PDE1C: variants seen among roughly 807,000 people sequenced by gnomAD.
The protein encoded by PDE1C is dual specificity calcium/calmodulin-dependent 3',5'-cyclic nucleotide phosphodiesterase 1C.
A neutral mutation model predicts 93.1 loss-of-function variants in PDE1C; 62 were observed. That is an observed-to-expected ratio of 0.67 (90% CI 0.54 to 0.82). PDE1C has a LOEUF of 0.82. Among genes scored for constraint, PDE1C ranks in the 40% least tolerant of loss-of-function variants. The probability of loss-of-function intolerance (pLI) is 0.00; values close to 1 mark genes in which losing one functional copy is unlikely to be tolerated. For missense variants in PDE1C, 742 were observed against 884.6 expected (o/e 0.84, Z 2.04); for synonymous variants, 325 against 310.1 (o/e 1.05, Z -0.50).
chr7:31,635,925 G>A, the PDE1C span, among the ~76,000 whole-genome samples: 1 of 152,000 alleles, frequency 6.6e-6, no homozygotes, highest in Non-Finnish European at 1.5e-5. Flanking sequence ...ACATACCCTG[G>A]AACTTAAAAT....
chr7:31,685,428 T>C, the PDE1C span, among the ~76,000 whole-genome samples: 1 of 152,304 alleles, frequency 6.6e-6, no homozygotes, highest in South Asian at 2.1e-4. Flanking sequence ...GTATAGGAGA[T>C]CTCCCTGTAT....
At chr7:32,269,099 G>A (rs1463086180) in intron 1 of PDE1C, among the ~76,000 whole-genome samples, 4 of 152,188 alleles carry the variant, frequency 2.6e-5, no homozygotes, top group Non-Finnish European at 4.4e-5. Flanking sequence ...TCTTAAAGAT[G>A]CCCACTAAAT....
intron 2 of PDE1C, among the ~76,000 whole-genome samples, chr7:32,048,710 T>A (rs183528483): frequency 6.6e-6 from 1 of 152,278 alleles, no homozygotes; most frequent in East Asian, 1.9e-4. Flanking sequence ...AAAGTTATTT[T>A]AAGCCACTAA....
In PDE1C at chr7:32,051,600, C is replaced by T. The variant is rs1053261716; in HGVS notation, c.102-20G>A. On this transcript the variant is annotated intron_variant, in intron 1 of 17. Coordinates refer to ENST00000396191, the MANE Select transcript of PDE1C (RefSeq NM_001191057.4). ...TTCCTCCTGTAAGAAAAGGCATAAA[C>T]ATATATCAGAAAAGGGTTGTGGCAG... The T allele has an allele frequency of 3.1e-5, 50 of 1,611,818 alleles. No homozygotes were observed. Among genetic ancestry groups the T allele is most frequent in the Non-Finnish European group, 4.2e-5 (49 of 1,178,224 alleles).
the PDE1C span, among the ~76,000 whole-genome samples, chr7:31,663,324 C>T: frequency 6.6e-6 from 1 of 152,168 alleles, no homozygotes; most frequent in South Asian, 2.1e-4. Context: ...CTGCTCTTGC[C>T]ACCGCGTTGT....
At chr7:32,006,878 C>T (rs1235029193) in intron 2 of PDE1C, among the ~76,000 whole-genome samples, 2 of 152,180 alleles carry the variant, frequency 1.3e-5, no homozygotes, top group African/African-American at 4.8e-5. Flanking sequence ...TAAATCTTGG[C>T]TCTGCCACCC....
intron 1 of PDE1C, among the ~76,000 whole-genome samples, chr7:32,354,687 G>A (rs1455046911): frequency 1.3e-5 from 2 of 152,132 alleles, no homozygotes; most frequent in Non-Finnish European, 2.9e-5. Context: ...GTTCTGCCTA[G>A]GAATTGAGAG....
chr7:32,413,703 A>G (rs2128098371), intron 1 of PDE1C, among the ~76,000 whole-genome samples: 1 of 152,312 alleles, frequency 6.6e-6, no homozygotes, highest in Admixed American at 6.5e-5. Context: ...ACTGAACTGT[A>G]CACTTAAAAA....
chr7:32,381,252 C>A (rs949364976), intron 1 of PDE1C, among the ~76,000 whole-genome samples: 1 of 151,876 alleles, frequency 6.6e-6, no homozygotes, highest in Admixed American at 6.6e-5. Flanking sequence ...TCTCTCTAGG[C>A]TGTGCTATTG....
At chr7:32,395,406 G>C (rs1413541244) in intron 1 of PDE1C, among the ~76,000 whole-genome samples, 1 of 152,126 alleles carries the variant, frequency 6.6e-6, no homozygotes, top group Non-Finnish European at 1.5e-5. Context: ...ACAGATAGAG[G>C]CATCAGCAGA....
the PDE1C span, among the ~76,000 whole-genome samples, chr7:31,744,311 C>A: frequency 2.0e-5 from 3 of 152,014 alleles, no homozygotes; most frequent in Admixed American, 6.6e-5. Context: ...TTTCAAGAAG[C>A]TAATCCCTGT....
exon 1 of PDE1C, chr7:32,299,191 T>C (rs1284295196): frequency 3.5e-5 from 35 of 992,990 alleles, no homozygotes; most frequent in Non-Finnish European, 4.2e-5. Context: ...CCCAAGGGAA[T>C]GGCTGAATTG....
At chr7:32,099,684 T>G (rs1384503304) in intron 3 of PDE1C, among the ~76,000 whole-genome samples, 2 of 152,162 alleles carry the variant, frequency 1.3e-5, no homozygotes, top group Non-Finnish European at 2.9e-5. Context: ...AGTTCCAGCC[T>G]CCTCATCTCC....
At chr7:31,776,231 C>A (rs1420447047) in intron 16 of PDE1C, among the ~76,000 whole-genome samples, 1 of 152,136 alleles carries the variant, frequency 6.6e-6, no homozygotes, top group Non-Finnish European at 1.5e-5. Flanking sequence ...GGAACTCAAG[C>A]AATGAACTGG....
intron 3 of PDE1C, among the ~76,000 whole-genome samples, chr7:32,118,482 C>A (rs1188463796): frequency 1.3e-5 from 2 of 152,190 alleles, no homozygotes; most frequent in African/African-American, 4.8e-5. Context: ...TAAAACGTGA[C>A]CTTCCTTTAC....
chr7:32,092,451 T>G (rs555913815), intron 3 of PDE1C, among the ~76,000 whole-genome samples: 20 of 152,138 alleles, frequency 1.3e-4, no homozygotes, highest in Non-Finnish European at 2.6e-4. Context: ...GTGACCCAAA[T>G]CTGACACCAA....
the PDE1C span, among the ~76,000 whole-genome samples, chr7:31,675,190 G>A: frequency 6.6e-6 from 1 of 152,152 alleles, no homozygotes; most frequent in African/African-American, 2.4e-5. Flanking sequence ...TTTGGCCATG[G>A]CCAGTTTGCA....
intron 16 of PDE1C, among the ~76,000 whole-genome samples, chr7:31,802,344 A>T (rs1407008121): frequency 4.0e-5 from 6 of 151,636 alleles, no homozygotes; most frequent in Non-Finnish European, 8.9e-5. Flanking sequence ...TACAATAGAT[A>T]TCCCATTTCT....
intron 1 of PDE1C, among the ~76,000 whole-genome samples, chr7:32,227,674 C>T (rs1169421661): frequency 6.6e-6 from 1 of 152,188 alleles, no homozygotes; most frequent in East Asian, 1.9e-4. Context: ...GTGCACTCTT[C>T]CCACACTGAA....
Sources: allele counts gnomAD v4.1 joint callset (sites outside exome capture counted in the v4.1 genomes callset), GRCh38; gene constraint gnomAD v4.1.1; transcripts MANE v1.5; gene names NCBI Gene and HGNC (gene_info 2026-07-23, HGNC 2026-07-21).